Variants in TRMU observed in about 807,000 individuals in gnomAD.
TRMU encodes the protein mitochondrial tRNA-specific 2-thiouridylase 1.
A neutral mutation model predicts 46.9 loss-of-function variants in TRMU; 49 were observed. That is an observed-to-expected ratio of 1.05 (90% confidence interval 0.83 to 1.33). The LOEUF (loss-of-function observed/expected upper bound fraction) is 1.33. TRMU is among the 40% of genes most tolerant of loss of function. TRMU has a pLI of 0.00. For missense variants in TRMU, 572 were observed against 532.4 expected, an observed-to-expected ratio of 1.07 and a Z score of -0.73; for synonymous variants, 241 against 200.9, an observed-to-expected ratio of 1.20 and a Z score of -1.69.
In TRMU at chr22:46,346,536, T is replaced by C. The variant is rs1249919272; in HGVS notation, c.470T>C (p.Val157Ala). 6 of 1,611,052 alleles carry C rather than the reference T, an allele frequency of 3.7e-6. No individual in the cohort carries two copies. The highest frequency in any genetic ancestry group is 5.1e-6 in the Non-Finnish European group (6 of 1,178,104). Residue 157 changes from valine (V) to alanine (A), a missense_variant, in exon 4 of 11, where the codon GTT (valine) becomes GCT (alanine). By Grantham distance (64) the Val-to-Ala change is moderately conservative (BLOSUM62 0). Transcript: ENST00000645190. ...GGGCTTTTCAGAAATCGGTTTGAAG[T>C]TAGAAATGGTAAGTTCATGTGCCCA... ...PEGLFRNRFE[V>A]RNAVKLLQAA... is the part of the protein sequence containing the mutation.
chr22:46,350,569 A>T lies in TRMU; in HGVS notation c.651+106A>T. 1 of 1,403,028 alleles carries T rather than the reference A, an allele frequency of 7.1e-7. No homozygotes were observed. Among genetic ancestry groups the T allele is most frequent in the South Asian group, 1.2e-5 (1 of 85,120 alleles). 86.9% of individuals were successfully genotyped at this position (1,403,028 alleles called of 1,614,324 possible). ...CCCGCACCACTTCCCCTTCTCCAGG[A>T]CCTAACATCAAAGGCGGGCCTTGGA... is the stretch of plus-strand genomic sequence containing the variant. On this transcript the variant is annotated intron_variant, in intron 5 of 10. Coordinates refer to ENST00000645190, the MANE Select transcript of TRMU (RefSeq NM_018006.5). This position sits in a 1 kb window ranked among gnomAD's most constrained non-coding sequence, Gnocchi z 4.6.
rs771177317 is a variant in TRMU, at chr22:46,356,073, G to C, written c.1101+1G>C. On this transcript the variant is annotated splice_donor_variant, in intron 10 of 10. Coordinates refer to ENST00000645190, the MANE Select transcript of TRMU (RefSeq NM_018006.5). LOFTEE classifies it high-confidence loss of function. ...TGTGCGTGCCCTTGCCACAGGACAG[G>C]TGCGTGGGGTGTGGGGGTGAGCCCG... 2 of 1,613,822 alleles carry C rather than the reference G, an allele frequency of 1.2e-6. No homozygotes were observed. Among genetic ancestry groups the C allele is most frequent in the Admixed American group, 1.7e-5 (1 of 60,004 alleles).
chr22:46,352,192 A>C lies in TRMU; in HGVS notation c.705+18A>C. 1.2e-6 allele frequency: 2 copies of C among 1,613,950 alleles called. No individual in the cohort carries two copies. Among genetic ancestry groups the C allele is most frequent in the South Asian group, 2.2e-5 (2 of 91,076 alleles). Reference sequence around the variant, plus strand: ...TTCTTCAGGTGCGTGCTGCTCTTTGACACAAAGAGATGGGGCTGCGTGTCT... The same window carrying C: ...TTCTTCAGGTGCGTGCTGCTCTTTGCCACAAAGAGATGGGGCTGCGTGTCT... On this transcript the variant is annotated intron_variant, in intron 6 of 10. Coordinates refer to ENST00000645190, the MANE Select transcript of TRMU (RefSeq NM_018006.5).
In TRMU at chr22:46,357,160, GC is replaced by G; in HGVS notation, c.*158del. On this transcript the variant is annotated 3_prime_UTR_variant, in exon 11 of 11. Transcript: ENST00000645190. ...CGAAAAGCCTGCAGGGGCCCGGCGA[GC>G]CCCAGGAAGAGCCTCAGCTCCAGGC... 9.9e-7 allele frequency: 1 copy of G among 1,011,786 alleles called. No individual in the cohort carries two copies. Among genetic ancestry groups the G allele is most frequent in the Non-Finnish European group, 1.5e-6 (1 of 678,242 alleles). The allele number at this position is 1,011,786 out of a possible 1,614,324, so 62.7% of individuals were successfully genotyped here. A position where few individuals can be genotyped will look rare whatever the true frequency, so the allele number is the denominator to read the frequency against.
chr22:46,337,833 G>A lies in TRMU; in HGVS notation c.137G>A (p.Gly46Glu), dbSNP rs2078018564. The A allele has an allele frequency of 6.2e-7, 1 of 1,614,108 alleles. No individual in the cohort carries two copies. The highest frequency in any genetic ancestry group is 1.7e-5 in the Admixed American group (1 of 60,010). Residue 46 changes from glycine (G) to glutamate (E), a missense_variant, in exon 2 of 11, where the codon GGG becomes GAG. Coordinates refer to ENST00000645190, the MANE Select transcript of TRMU (RefSeq NM_018006.5). ...MKNWDSLDEH[G>E]VCTADKDCED... is the part of the protein sequence containing the mutation. ...AACTGGGACTCACTGGATGAACATG[G>A]GGTCTGTACTGCCGACAAAGACTGT...
intron 3 of TRMU, among the ~76,000 whole-genome samples, chr22:46,344,427 T>C (rs144194823): frequency 1.3e-5 from 2 of 152,348 alleles, no homozygotes; most frequent in South Asian, 2.1e-4. Flanking sequence ...TCTGGAAATA[T>C]GTCCTCCCTG....
In TRMU at chr22:46,339,914, T is replaced by A. The variant is rs1285078225; in HGVS notation, c.248+1970T>A. On this transcript the variant is annotated intron_variant, in intron 2 of 10. Transcript: ENST00000645190. This position sits in a 1 kb window ranked among gnomAD's most constrained non-coding sequence, Gnocchi z 4.8. The stretch of plus-strand genomic sequence containing the variant: ...ATGCATGATAAATGCATTAAAAACT[T>A]CTGCAGTTTTCTCGGGGACATAAGA... 2.0e-5 allele frequency among the ~76,000 whole-genome samples: 3 copies of A among 151,246 alleles called. No homozygotes were observed. The highest frequency in any genetic ancestry group is 4.4e-5 in the Non-Finnish European group (3 of 67,904).
Position 46,351,926 on chromosome 22 carries a change from G to A in TRMU, c.652-195G>A, listed in dbSNP as rs1002383869. ...ACCCCGCGGGCCGAGACAATGAGGC[G>A]TTCTCTAAGGCTCTGGCATCGTGTG... On this transcript the variant is annotated intron_variant, in intron 5 of 10. Coordinates refer to ENST00000645190, the MANE Select transcript of TRMU (RefSeq NM_018006.5). The surrounding 1 kb of genome is among the most constrained non-coding windows in gnomAD (Gnocchi z 6.4). 26 of 727,142 alleles carry A rather than the reference G, an allele frequency of 3.6e-5. No homozygotes were observed. The highest frequency in any genetic ancestry group is 8.8e-5 in the South Asian group (6 of 68,060). 45.0% of individuals were successfully genotyped at this position (727,142 alleles called of 1,614,324 possible).
chr22:46,351,101 A>G lies in TRMU; in HGVS notation c.651+638A>G, dbSNP rs1476697842. ...AATGGAGATGCCAAAAACGGCCTCAAAAGAAGTCACATGGAACCTGAGACC... is the reference window on the plus strand; with the variant it reads ...AATGGAGATGCCAAAAACGGCCTCAGAAGAAGTCACATGGAACCTGAGACC... On this transcript the variant is annotated intron_variant, in intron 5 of 10. Coordinates refer to ENST00000645190, the MANE Select transcript of TRMU (RefSeq NM_018006.5). The surrounding 1 kb of genome is among the most constrained non-coding windows in gnomAD (Gnocchi z 6.4). 2.6e-5 allele frequency among the ~76,000 whole-genome samples: 4 copies of G among 152,194 alleles called. No individual in the cohort carries two copies. Among genetic ancestry groups the G allele is most frequent in the Non-Finnish European group, 4.4e-5 (3 of 68,012 alleles).
At chr22:46,353,288 G>A (rs2078492294) in intron 7 of TRMU, 1 of 205,514 alleles carries the variant, frequency 4.9e-6, no homozygotes, top group African/African-American at 2.3e-5. Flanking sequence ...CTGCCTGTGT[G>A]CCCCACTGCA....
chr22:46,355,337 C>CTG (rs1177147478), intron 8 of TRMU, 107 bp from the exon 9 acceptor site: 563 of 1,450,308 alleles, frequency 3.9e-4, no homozygotes, highest in African/African-American at 1.9e-3. Flanking sequence ...GCACCGTTAC[C>CTG]TGTGTGTGTG....
chr22:46,338,504 C>T lies in TRMU; in HGVS notation c.248+560C>T, dbSNP rs763206925. ...GGTCTAGTTGGGAGGACATTATCTT[C>T]ACAAGAGGTGACAGTGATGCGTGGC... On this transcript the variant is annotated intron_variant, in intron 2 of 10. Transcript: ENST00000645190. This position sits in a 1 kb window ranked among gnomAD's most constrained non-coding sequence, Gnocchi z 4.5. Among the ~76,000 whole-genome samples the T allele has an allele frequency of 6.6e-6, 1 of 152,198 alleles. No individual in the cohort carries two copies. The highest frequency in any genetic ancestry group is 1.5e-5 in the Non-Finnish European group (1 of 68,030).
In TRMU at chr22:46,338,605, A is replaced by G. The variant is rs1030892820; in HGVS notation, c.248+661A>G. ...AAACTTGCAGTGTGGAGTAATCAAG[A>G]AGGCTTCACCGGAGAGGAGGGGTTG... On this transcript the variant is annotated intron_variant, in intron 2 of 10. Coordinates refer to ENST00000645190, the MANE Select transcript of TRMU (RefSeq NM_018006.5). The surrounding 1 kb of genome is among the most constrained non-coding windows in gnomAD (Gnocchi z 4.5). 6.6e-6 allele frequency among the ~76,000 whole-genome samples: 1 copy of G among 152,242 alleles called. No individual in the cohort carries two copies. The highest frequency in any genetic ancestry group is 6.5e-5 in the Admixed American group (1 of 15,288).
intron 2 of TRMU, 82 bp from the exon 3 acceptor site, chr22:46,343,180 A>T: frequency 2.0e-6 from 2 of 1,008,842 alleles, no homozygotes; most frequent in Non-Finnish European, 3.0e-6. Flanking sequence ...AAATTACATT[A>T]AACAAGCAAT....
chr22:46,353,956 C>T (rs996836057), intron 8 of TRMU, 89 bp downstream of exon 8: 10 of 1,237,826 alleles, frequency 8.1e-6, no homozygotes, highest in South Asian at 4.9e-5. Flanking sequence ...AGGCCTCCAG[C>T]AGCCGTGGCT....
chr22:46,345,155 C>T (rs1477589886), intron 3 of TRMU, among the ~76,000 whole-genome samples: 1 of 152,036 alleles, frequency 6.6e-6, no homozygotes, highest in African/African-American at 2.4e-5. Flanking sequence ...ACTGCAACCT[C>T]CACCTCCTGA....
In TRMU at chr22:46,348,427, T is replaced by C. The variant is rs1290889184; in HGVS notation, c.479-1864T>C. Among the ~76,000 whole-genome samples, 1 of 152,162 alleles carries C rather than the reference T, an allele frequency of 6.6e-6. No homozygotes were observed. Among genetic ancestry groups the C allele is most frequent in the African/African-American group, 2.4e-5 (1 of 41,398 alleles). ...GCACACTAAGGTTTCCATTTCATTCTTCTTCAGTTGCCCTGGCCCAGCCTG... is the reference window on the plus strand; with the variant it reads ...GCACACTAAGGTTTCCATTTCATTCCTCTTCAGTTGCCCTGGCCCAGCCTG... On this transcript the variant is annotated intron_variant, in intron 4 of 10. Coordinates refer to ENST00000645190, the MANE Select transcript of TRMU (RefSeq NM_018006.5). The surrounding 1 kb of genome is among the most constrained non-coding windows in gnomAD (Gnocchi z 4.8).
chr22:46,355,996 G>A lies in TRMU; in HGVS notation c.1025G>A (p.Cys342Tyr). Residue 342 changes from cysteine (C) to tyrosine (Y), a missense_variant, in exon 10 of 11, where the codon TGT becomes TAT. Cys to Tyr is a radical substitution (Grantham distance 194). Coordinates refer to ENST00000645190, the MANE Select transcript of TRMU (RefSeq NM_018006.5). ...RFRHQMALVP[C>Y]VLTLNQDGTV... ...GCCCCTCTCTTCTACCCAGTGCCCT[G>A]TGTGCTGACCCTCAATCAAGATGGC... 1.2e-6 allele frequency: 2 copies of A among 1,613,984 alleles called. No individual in the cohort carries two copies. The highest frequency in any genetic ancestry group is 1.7e-6 in the Non-Finnish European group (2 of 1,179,990).
chr22:46,355,955 T>C (rs2078592124), intron 9 of TRMU, 35 bp from the exon 10 acceptor site: 2 of 1,610,772 alleles, frequency 1.2e-6, no homozygotes, highest in Non-Finnish European at 1.7e-6. Flanking sequence ...AGGAAAGGCC[T>C]GTGCCCCCTC....
Sources: allele counts gnomAD v4.1 joint callset (sites outside exome capture counted in the v4.1 genomes callset), GRCh38; gene constraint gnomAD v4.1.1; non-coding constraint Gnocchi (gnomAD v3.1); transcripts MANE v1.5; gene names NCBI Gene and HGNC (gene_info 2026-07-23, HGNC 2026-07-21).